PRKCE: variants seen among roughly 807,000 people sequenced by gnomAD.
PRKCE encodes the protein protein kinase C epsilon type.
A neutral mutation model predicts 85.4 loss-of-function variants in PRKCE; 16 were observed. The observed-to-expected ratio is 0.19, with a 90% confidence interval of 0.13 to 0.28. The LOEUF (loss-of-function observed/expected upper bound fraction) is 0.28, where lower values mean the gene tolerates loss of function less well. Ranked by LOEUF, PRKCE falls within the 10% of genes least tolerant of loss-of-function variation. The probability of loss-of-function intolerance (pLI) is 1.00; values close to 1 mark genes in which losing one functional copy is unlikely to be tolerated. For missense variants in PRKCE, 573 were observed against 975.2 expected, an observed-to-expected ratio of 0.59 and a Z score of 5.49; for synonymous variants, 388 against 371.5, an observed-to-expected ratio of 1.04 and a Z score of -0.51.
intron 1 of PRKCE, among the ~76,000 whole-genome samples, chr2:45,805,555 T>C (rs552694633): frequency 1.3e-5 from 2 of 152,262 alleles, no homozygotes; most frequent in African/African-American, 2.4e-5. Context: ...AAAGTTCACT[T>C]ATTGAAGCTT....
intron 6 of PRKCE, among the ~76,000 whole-genome samples, chr2:45,998,877 G>T (rs1704437004): frequency 6.6e-6 from 1 of 152,168 alleles, no homozygotes; most frequent in South Asian, 2.1e-4. Flanking sequence ...TGTGGAGTTT[G>T]CAGTATGCAT....
intron 9 of PRKCE, among the ~76,000 whole-genome samples, chr2:46,008,827 T>G (rs1336132801): frequency 6.6e-6 from 1 of 152,160 alleles, no homozygotes; most frequent in Non-Finnish European, 1.5e-5. Context: ...GATTCTAGGT[T>G]TTCATATAGT....
At chr2:46,176,292 A>G (rs1324711059) in intron 14 of PRKCE, among the ~76,000 whole-genome samples, 2 of 152,240 alleles carry the variant, frequency 1.3e-5, no homozygotes, top group East Asian at 3.9e-4. Flanking sequence ...GAATCCCTAG[A>G]GTGGGACGAG....
chr2:45,911,037 T>C (rs1697346531), intron 2 of PRKCE, among the ~76,000 whole-genome samples: 1 of 152,194 alleles, frequency 6.6e-6, no homozygotes, highest in Non-Finnish European at 1.5e-5. Context: ...TCACGGGCTT[T>C]TTCAATGGAG....
chr2:46,028,362 A>G (rs1707278845), intron 10 of PRKCE, among the ~76,000 whole-genome samples: 1 of 152,196 alleles, frequency 6.6e-6, no homozygotes, highest in African/African-American at 2.4e-5. Context: ...ATGTTTTTAA[A>G]CCATGTTTTA....
chr2:45,852,693 T>TG (rs1692372686), intron 2 of PRKCE, among the ~76,000 whole-genome samples: 1 of 152,176 alleles, frequency 6.6e-6, no homozygotes, highest in Non-Finnish European at 1.5e-5. Flanking sequence ...TGCATACAGC[T>TG]GGGCACCTGG....
intron 1 of PRKCE, among the ~76,000 whole-genome samples, chr2:45,661,051 A>G (rs1304808254): frequency 6.6e-6 from 1 of 152,154 alleles, no homozygotes; most frequent in African/African-American, 2.4e-5. Flanking sequence ...CCTGACCTCT[A>G]CCCCACCTTG....
At chr2:45,987,657 C>T (rs1703447421) in intron 6 of PRKCE, among the ~76,000 whole-genome samples, 1 of 152,046 alleles carries the variant, frequency 6.6e-6, no homozygotes, top group Non-Finnish European at 1.5e-5. Context: ...CTGCACAGCA[C>T]ATCATTATCA....
At chr2:45,824,343 A>C (rs371439022) in intron 1 of PRKCE, among the ~76,000 whole-genome samples, 2 of 152,332 alleles carry the variant, frequency 1.3e-5, no homozygotes, top group South Asian at 4.1e-4. Context: ...AGCCCTTACC[A>C]TTGTGAATCC....
chr2:45,698,866 T>C (rs1202150966), intron 1 of PRKCE, among the ~76,000 whole-genome samples: 1 of 151,864 alleles, frequency 6.6e-6, no homozygotes. Flanking sequence ...ATATAGAAAG[T>C]ACATGTGGTT....
At chr2:45,867,032 G>A (rs1693672014) in intron 2 of PRKCE, among the ~76,000 whole-genome samples, 1 of 152,298 alleles carries the variant, frequency 6.6e-6, no homozygotes, top group East Asian at 1.9e-4. Context: ...AGAATCCTTA[G>A]GGGTGGGGTC....
In PRKCE at chr2:45,968,556, A is replaced by G. The variant is rs149219437; in HGVS notation, c.413-7873A>G. Reference sequence around the variant, plus strand: ...ACACAACTCAGGTGACAGGTACACTAAAATCTTAGACTTCGCTACCATGTC... The same window carrying G: ...ACACAACTCAGGTGACAGGTACACTGAAATCTTAGACTTCGCTACCATGTC... On this transcript the variant is annotated intron_variant, in intron 2 of 14. Coordinates refer to ENST00000306156, the MANE Select transcript of PRKCE (RefSeq NM_005400.3). 4.2e-4 allele frequency among the ~76,000 whole-genome samples: 64 copies of G among 152,372 alleles called. 1 individual carries two copies. The highest frequency in any genetic ancestry group is 1.5e-3 in the African/African-American group (61 of 41,588).
intron 1 of PRKCE, among the ~76,000 whole-genome samples, chr2:45,808,573 A>G (rs1359560967): frequency 6.6e-6 from 1 of 152,072 alleles, no homozygotes; most frequent in African/African-American, 2.4e-5. Context: ...AGCCCTTCCC[A>G]TTGTCACTTG....
intron 1 of PRKCE, among the ~76,000 whole-genome samples, chr2:45,728,794 T>C (rs1299326960): frequency 3.9e-5 from 6 of 152,202 alleles, no homozygotes; most frequent in African/African-American, 1.4e-4. Context: ...ATGTCACTTA[T>C]TTTTCATAAC....
chr2:46,123,669 A>C (rs569849643), intron 11 of PRKCE, among the ~76,000 whole-genome samples: 1 of 152,244 alleles, frequency 6.6e-6, no homozygotes, highest in African/African-American at 2.4e-5. Flanking sequence ...TTGTATTAGT[A>C]GAGATAGGGT....
chr2:45,925,579 A>G (rs956626667), intron 2 of PRKCE, among the ~76,000 whole-genome samples: 8 of 152,136 alleles, frequency 5.3e-5, no homozygotes, highest in Non-Finnish European at 1.2e-4. Context: ...TACAGGCGTG[A>G]ACCACCGCGC....
intron 2 of PRKCE, among the ~76,000 whole-genome samples, chr2:45,863,145 G>A (rs1451610024): frequency 6.6e-6 from 1 of 152,094 alleles, no homozygotes; most frequent in Non-Finnish European, 1.5e-5. Flanking sequence ...TGGGTATGCA[G>A]AATTAGGCTA....
chr2:45,761,154 C>T (rs971347330), intron 1 of PRKCE, among the ~76,000 whole-genome samples: 4 of 151,944 alleles, frequency 2.6e-5, no homozygotes, highest in East Asian at 1.9e-4. Flanking sequence ...GGTGAAACCT[C>T]GTCTCTACTA....
intron 2 of PRKCE, among the ~76,000 whole-genome samples, chr2:45,957,726 T>C (rs991205548): frequency 6.6e-6 from 1 of 151,692 alleles, no homozygotes; most frequent in Non-Finnish European, 1.5e-5. Context: ...GCCTGGGCAA[T>C]ATAGCAAGAC....
Sources: gnomAD v4.1 joint callset for allele counts (sites outside exome capture counted in the v4.1 genomes callset) on GRCh38, gnomAD v4.1.1 for gene constraint, MANE v1.5 for transcripts, NCBI Gene and HGNC (gene_info 2026-07-23, HGNC 2026-07-21) for gene names.